Variants in ARF6 observed in about 807,000 individuals in gnomAD.
ARF6 encodes ARF GTPase 6.
For missense variants in ARF6, 75 were observed against 232.0 expected, an observed-to-expected ratio of 0.32 and a Z score of 4.40; for synonymous variants, 127 against 95.5, an observed-to-expected ratio of 1.33 and a Z score of -1.92.
Position 49,894,451 on chromosome 14 carries a change from TC to T in ARF6, c.*189del. The T allele has an allele frequency of 3.9e-6, 2 of 506,700 alleles. No individual in the cohort carries two copies. Among genetic ancestry groups the T allele is most frequent in the East Asian group, 3.5e-5 (1 of 28,960 alleles). 31.4% of individuals were successfully genotyped at this position (506,700 alleles called of 1,614,324 possible). ...TCTTTTGTTTGTTTCCCTTTCTTTT[TC>T]CTTTTTTTTTTTTTTTTTTTTTTGT... On this transcript the variant is annotated 3_prime_UTR_variant, in exon 2 of 2. Transcript: ENST00000298316.
In ARF6 at chr14:49,895,479, T is replaced by C. The variant is rs910068302; in HGVS notation, c.*1215T>C. The C allele has an allele frequency of 3.4e-4, 57 of 167,088 alleles. 1 individual carries two copies. Among genetic ancestry groups the C allele is most frequent in the African/African-American group, 1.3e-3 (55 of 41,458 alleles). The allele number at this position is 167,088 out of a possible 1,614,324, so 10.4% of individuals were successfully genotyped here. ...CCATCAATTAGAACACTGGAAAAGATGTTTTATAAAAGAGGTATTTAATTT... is the reference window on the plus strand; with the variant it reads ...CCATCAATTAGAACACTGGAAAAGACGTTTTATAAAAGAGGTATTTAATTT... On this transcript the variant is annotated 3_prime_UTR_variant, in exon 2 of 2. Coordinates refer to ENST00000298316, the MANE Select transcript of ARF6 (RefSeq NM_001663.4).
rs1894497721 is a variant in ARF6, at chr14:49,894,644, C to T, written c.*380C>T. The T allele has an allele frequency of 5.5e-6, 1 of 182,636 alleles. No homozygotes were observed. The highest frequency in any genetic ancestry group is 5.9e-5 in the Admixed American group (1 of 16,884). 11.3% of individuals were successfully genotyped at this position (182,636 alleles called of 1,614,324 possible). On this transcript the variant is annotated 3_prime_UTR_variant, in exon 2 of 2. Coordinates refer to ENST00000298316, the MANE Select transcript of ARF6 (RefSeq NM_001663.4). ...TATTTCGAGAGAATCTTTCATTTTC[C>T]TATGTATGCTTTTTTCCTTTTTTGC... is the stretch of plus-strand genomic sequence containing the variant.
rs1894507587 is a variant in ARF6 at position 49,895,356 on chromosome 14, T to A, written c.*1092T>A. The A allele has an allele frequency of 6.0e-6, 1 of 167,098 alleles. No individual in the cohort carries two copies. The highest frequency in any genetic ancestry group is 2.1e-4 in the South Asian group (1 of 4,832). 10.4% of individuals were successfully genotyped at this position (167,098 alleles called of 1,614,324 possible). On this transcript the variant is annotated 3_prime_UTR_variant, in exon 2 of 2. Coordinates refer to ENST00000298316, the MANE Select transcript of ARF6 (RefSeq NM_001663.4). ...AACAATTCAAATTATATGCACCTTT[T>A]ACCTAGTTGAAAAAAATACACATTC...
At position 49,895,405 on chromosome 14, in the gene ARF6, A is replaced by AT. The variant is rs1258742959; in HGVS notation, c.*1143dup. 1.2e-5 allele frequency: 2 copies of AT among 167,136 alleles called. No individual in the cohort carries two copies. Among genetic ancestry groups the AT allele is most frequent in the Non-Finnish European group, 2.9e-5 (2 of 68,116 alleles). The allele number at this position is 167,136 out of a possible 1,614,324, so 10.4% of individuals were successfully genotyped here. On this transcript the variant is annotated 3_prime_UTR_variant, in exon 2 of 2. Coordinates refer to ENST00000298316, the MANE Select transcript of ARF6 (RefSeq NM_001663.4). ...TCCTGTTTTCACATTATAGCAACTG[A>AT]TTAAGCTGAAGCTGTAAGTCATTTT...
rs1894515410 is a variant in ARF6 at position 49,895,711 on chromosome 14, C to T, written c.*1447C>T. ...TTTCTTCATGTGTAAGCAGTGTGCT[C>T]GCTGGTGATATCCAGATCCTAACAA... On this transcript the variant is annotated 3_prime_UTR_variant, in exon 2 of 2. Transcript: ENST00000298316. 6.0e-6 allele frequency: 1 copy of T among 166,836 alleles called. No individual in the cohort carries two copies. The highest frequency in any genetic ancestry group is 6.5e-5 in the Admixed American group (1 of 15,282). The allele number at this position is 166,836 out of a possible 1,614,324, so 10.3% of individuals were successfully genotyped here. A position where few individuals can be genotyped will look rare whatever the true frequency, so the allele number is the denominator to read the frequency against.
Position 49,893,625 on chromosome 14 carries a change from A to G in ARF6, c.-112A>G, listed in dbSNP as rs1199087648. 1.1e-5 allele frequency: 15 copies of G among 1,413,546 alleles called. No homozygotes were observed. Among genetic ancestry groups the G allele is most frequent in the Admixed American group, 2.1e-5 (1 of 47,544 alleles). 87.6% of individuals were successfully genotyped at this position (1,413,546 alleles called of 1,614,324 possible). On this transcript the variant is annotated 5_prime_UTR_variant, in exon 2 of 2. Transcript: ENST00000298316. The stretch of plus-strand genomic sequence containing the variant: ...GGAGGCAACTCCCACGCAGGCCGCA[A>G]AGGCGCTCTCGCGGCCGAGAGGCTT...
Position 49,894,108 on chromosome 14 carries a change from G to A in ARF6, c.372G>A (p.Gln124=). Residue 124 remains glutamine (Q), a synonymous_variant, in exon 2 of 2, where the codon CAG becomes CAA. Transcript: ENST00000298316. ...TAATCCTCATCTTCGCCAACAAGCA[G>A]GACCTGCCCGATGCCATGAAACCCC... ...DAIILIFANK[Q]DLPDAMKPHE... 1 of 1,614,172 alleles carries A rather than the reference G, an allele frequency of 6.2e-7. No homozygotes were observed. The highest frequency in any genetic ancestry group is 2.2e-5 in the East Asian group (1 of 44,878).
At position 49,894,195 on chromosome 14, in the gene ARF6, C is replaced by T; in HGVS notation, c.459C>T (p.Pro153=). The part of the protein sequence containing the change: ...RIRDRNWYVQ[P]SCATSGDGLY... ...GGGACAGGAACTGGTATGTGCAGCC[C>T]TCCTGTGCCACCTCAGGGGACGGAC... Residue 153 remains proline (P), a synonymous_variant, in exon 2 of 2, where the codon CCC becomes CCT. Coordinates refer to ENST00000298316, the MANE Select transcript of ARF6 (RefSeq NM_001663.4). 1 of 1,614,140 alleles carries T rather than the reference C, an allele frequency of 6.2e-7. No homozygotes were observed. The highest frequency in any genetic ancestry group is 8.5e-7 in the Non-Finnish European group (1 of 1,180,032).
Position 49,894,470 on chromosome 14 carries a change from T to C in ARF6, c.*206T>C. The C allele has an allele frequency of 1.8e-6, 1 of 551,572 alleles. No individual in the cohort carries two copies. Among genetic ancestry groups the C allele is most frequent in the Non-Finnish European group, 3.1e-6 (1 of 320,832 alleles). The allele number at this position is 551,572 out of a possible 1,614,324, so 34.2% of individuals were successfully genotyped here. ...TCTTTTTCCTTTTTTTTTTTTTTTTTTTTTTGTTGGCTTTGCGTTAGGATG... is the reference window on the plus strand; with the variant it reads ...TCTTTTTCCTTTTTTTTTTTTTTTTCTTTTTGTTGGCTTTGCGTTAGGATG... On this transcript the variant is annotated 3_prime_UTR_variant, in exon 2 of 2. Coordinates refer to ENST00000298316, the MANE Select transcript of ARF6 (RefSeq NM_001663.4).
rs548311221 is a variant in ARF6, at chr14:49,894,343, C to G, written c.*79C>G. 110 of 1,367,702 alleles carry G rather than the reference C, an allele frequency of 8.0e-5. No homozygotes were observed. Among genetic ancestry groups the G allele is most frequent in the Middle Eastern group, 5.6e-4 (3 of 5,364 alleles). 84.7% of individuals were successfully genotyped at this position (1,367,702 alleles called of 1,614,324 possible). A position where few individuals can be genotyped will look rare whatever the true frequency, so the allele number is the denominator to read the frequency against. Reference sequence around the variant, plus strand: ...GGATTATCGCCACCATCACCTCTTTCAATTGCCACTTTCTCTTCTTTTGAA... The same window carrying G: ...GGATTATCGCCACCATCACCTCTTTGAATTGCCACTTTCTCTTCTTTTGAA... On this transcript the variant is annotated 3_prime_UTR_variant, in exon 2 of 2. Coordinates refer to ENST00000298316, the MANE Select transcript of ARF6 (RefSeq NM_001663.4).
chr14:49,895,494 G>T lies in ARF6; in HGVS notation c.*1230G>T, dbSNP rs1259557675. 1 of 166,996 alleles carries T rather than the reference G, an allele frequency of 6.0e-6. No individual in the cohort carries two copies. The highest frequency in any genetic ancestry group is 2.4e-5 in the African/African-American group (1 of 41,416). The allele number at this position is 166,996 out of a possible 1,614,324, so 10.3% of individuals were successfully genotyped here. On this transcript the variant is annotated 3_prime_UTR_variant, in exon 2 of 2. Transcript: ENST00000298316. The stretch of plus-strand genomic sequence containing the variant: ...CTGGAAAAGATGTTTTATAAAAGAG[G>T]TATTTAATTTTGTTTGTAGGATTAA...
At position 49,894,560 on chromosome 14, in the gene ARF6, G is replaced by T; in HGVS notation, c.*296G>T. 3.2e-6 allele frequency: 1 copy of T among 307,768 alleles called. No individual in the cohort carries two copies. The highest frequency in any genetic ancestry group is 5.7e-5 in the East Asian group (1 of 17,532). The allele number at this position is 307,768 out of a possible 1,614,324, so 19.1% of individuals were successfully genotyped here. Reference sequence around the variant, plus strand: ...TGCTCTTGTTGACTTCCAGCAGATGGGATGGGGGAAACACAGCAGTTCTTG... The same window carrying T: ...TGCTCTTGTTGACTTCCAGCAGATGTGATGGGGGAAACACAGCAGTTCTTG... On this transcript the variant is annotated 3_prime_UTR_variant, in exon 2 of 2. Transcript: ENST00000298316.
In ARF6 at chr14:49,894,453, C is replaced by CTTTTTTTTTTTTTTTTTTTTTT. The variant is rs35848359; in HGVS notation, c.*190_*211dup. On this transcript the variant is annotated 3_prime_UTR_variant, in exon 2 of 2. Transcript: ENST00000298316. ...TTTTGTTTGTTTCCCTTTCTTTTTC[C>CTTTTTTTTTTTTTTTTTTTTTT]TTTTTTTTTTTTTTTTTTTTTTGTT... The CTTTTTTTTTTTTTTTTTTTTTT allele has an allele frequency of 8.8e-6, 2 of 226,488 alleles. No individual in the cohort carries two copies. The highest frequency in any genetic ancestry group is 1.6e-5 in the Non-Finnish European group (2 of 125,912). 14.0% of individuals were successfully genotyped at this position (226,488 alleles called of 1,614,324 possible). A position where few individuals can be genotyped will look rare whatever the true frequency, so the allele number is the denominator to read the frequency against.
rs1894483258 is a variant in ARF6, at chr14:49,893,796, C to T, written c.60C>T (p.Gly20=). ...GNKEMRILML[G]LDAAGKTTIL... ...AGGAAATGCGGATCCTCATGTTGGG[C>T]CTGGACGCGGCCGGCAAGACAACAA... Residue 20 remains glycine (G), a synonymous_variant, in exon 2 of 2, where the codon GGC becomes GGT. Transcript: ENST00000298316. 2 of 1,614,230 alleles carry T rather than the reference C, an allele frequency of 1.2e-6. No homozygotes were observed. Among genetic ancestry groups the T allele is most frequent in the Non-Finnish European group, 1.7e-6 (2 of 1,180,032 alleles).
chr14:49,896,469 T>C lies in ARF6; in HGVS notation c.*2205T>C, dbSNP rs1270006874. The C allele has an allele frequency of 6.0e-6, 1 of 167,080 alleles. No homozygotes were observed. The highest frequency in any genetic ancestry group is 1.9e-4 in the East Asian group (1 of 5,206). 10.3% of individuals were successfully genotyped at this position (167,080 alleles called of 1,614,324 possible). ...AAACTTGAAACCCTCATGTTAAATCTTAAATGTAGTATTTCTAACTTGTGA... is the reference window on the plus strand; with the variant it reads ...AAACTTGAAACCCTCATGTTAAATCCTAAATGTAGTATTTCTAACTTGTGA... On this transcript the variant is annotated 3_prime_UTR_variant, in exon 2 of 2. Coordinates refer to ENST00000298316, the MANE Select transcript of ARF6 (RefSeq NM_001663.4).
rs141035771 is a variant in ARF6 at position 49,893,979 on chromosome 14, C to T, written c.243C>T (p.Thr81=). 4.3e-5 allele frequency: 69 copies of T among 1,614,108 alleles called. No individual in the cohort carries two copies. Among genetic ancestry groups the T allele is most frequent in the Non-Finnish European group, 5.2e-5 (61 of 1,180,048 alleles). Residue 81 remains threonine (T), a synonymous_variant, in exon 2 of 2, where the codon ACC becomes ACT. Coordinates refer to ENST00000298316, the MANE Select transcript of ARF6 (RefSeq NM_001663.4). ...TCTGGCGGCATTACTACACTGGGACCCAAGGTCTCATCTTCGTAGTGGACT... is the reference window on the plus strand; with the variant it reads ...TCTGGCGGCATTACTACACTGGGACTCAAGGTCTCATCTTCGTAGTGGACT... The part of the protein sequence containing the change: ...RPLWRHYYTG[T]QGLIFVVDCA...
In ARF6 at chr14:49,893,715, C is replaced by G. The variant is rs375473057; in HGVS notation, c.-22C>G. 11 of 1,603,040 alleles carry G rather than the reference C, an allele frequency of 6.9e-6. No individual in the cohort carries two copies. The South Asian group carries it at 9.9e-5, about 14-fold the overall frequency. On this transcript the variant is annotated 5_prime_UTR_variant, in exon 2 of 2. Coordinates refer to ENST00000298316, the MANE Select transcript of ARF6 (RefSeq NM_001663.4). ...GGGACCCGGGACACCTGAATGCCCC[C>G]GGCCCCGGCTCCTCCGACGCGATGG...
In ARF6 at chr14:49,896,104, A is replaced by G. The variant is rs1894519782; in HGVS notation, c.*1840A>G. On this transcript the variant is annotated 3_prime_UTR_variant, in exon 2 of 2. Transcript: ENST00000298316. The stretch of plus-strand genomic sequence containing the variant: ...GACTATAAAAAAATGAACTATTCAA[A>G]GTAAAACTCTTAACAAACATTTTAC... 2 of 164,558 alleles carry G rather than the reference A, an allele frequency of 1.2e-5. No individual in the cohort carries two copies. Among genetic ancestry groups the G allele is most frequent in the South Asian group, 4.1e-4 (2 of 4,838 alleles). The allele number at this position is 164,558 out of a possible 1,614,324, so 10.2% of individuals were successfully genotyped here. A position where few individuals can be genotyped will look rare whatever the true frequency, so the allele number is the denominator to read the frequency against.
rs1363554401 is a variant in ARF6, at chr14:49,895,704, G to A, written c.*1440G>A. 6.0e-6 allele frequency: 1 copy of A among 166,936 alleles called. No individual in the cohort carries two copies. Among genetic ancestry groups the A allele is most frequent in the Non-Finnish European group, 1.5e-5 (1 of 68,112 alleles). The allele number at this position is 166,936 out of a possible 1,614,324, so 10.3% of individuals were successfully genotyped here. A position where few individuals can be genotyped will look rare whatever the true frequency, so the allele number is the denominator to read the frequency against. On this transcript the variant is annotated 3_prime_UTR_variant, in exon 2 of 2. Transcript: ENST00000298316. ...ACTTATTTTTCTTCATGTGTAAGCA[G>A]TGTGCTCGCTGGTGATATCCAGATC...
Sources: gnomAD v4.1 joint callset for allele counts on GRCh38, gnomAD v4.1.1 for gene constraint, MANE v1.5 for transcripts, NCBI Gene and HGNC (gene_info 2026-07-23, HGNC 2026-07-21) for gene names.